CRACDL: variants seen among roughly 807,000 people sequenced by gnomAD.
CRACDL encodes CRACD-like protein.
In CRACDL, 26 loss-of-function variants were observed where a neutral mutation model predicts 70.6. The observed-to-expected ratio is 0.37, with a 90% confidence interval of 0.27 to 0.51. The LOEUF is 0.51. Ranked by LOEUF, CRACDL falls within the 20% of genes least tolerant of loss-of-function variation. The pLI is 0.94. For synonymous variants in CRACDL, 618 were observed against 615.2 expected (o/e 1.00, Z -0.07); for missense variants, 1,283 against 1,376.9 (o/e 0.93, Z 1.08).
chr2:98,902,231 G>A (rs554555250), intron 1 of CRACDL, among the ~76,000 whole-genome samples: 14 of 152,172 alleles, frequency 9.2e-5, no homozygotes, highest in Non-Finnish European at 4.4e-5. Flanking sequence ...GTGTAGTCAT[G>A]GACACAAGTG....
chr2:98,855,422 AC>A (rs1447690016), intron 1 of CRACDL, among the ~76,000 whole-genome samples: 1 of 152,230 alleles, frequency 6.6e-6, no homozygotes, highest in East Asian at 1.9e-4. Flanking sequence ...AGGATATATC[AC>A]GAGGCAAAAT....
At chr2:98,840,455 A>G (rs960690907) in intron 2 of CRACDL, among the ~76,000 whole-genome samples, 9 of 152,160 alleles carry the variant, frequency 5.9e-5, no homozygotes, top group African/African-American at 2.2e-4. Context: ...GGTGTGCTTG[A>G]AAATAATGCA....
At chr2:98,818,672 T>C (rs1704895574) in intron 7 of CRACDL, among the ~76,000 whole-genome samples, 1 of 152,252 alleles carries the variant, frequency 6.6e-6, no homozygotes, top group African/African-American at 2.4e-5. Flanking sequence ...GCTAATGTAA[T>C]TTGGGAGCAA....
chr2:98,861,110 G>C (rs1296272209), intron 1 of CRACDL, among the ~76,000 whole-genome samples: 1 of 152,200 alleles, frequency 6.6e-6, no homozygotes, highest in African/African-American at 2.4e-5. Flanking sequence ...ACTTTGGGAG[G>C]CCAAGGCGGG....
At chr2:98,906,271 T>C (rs953294464) in intron 1 of CRACDL, among the ~76,000 whole-genome samples, 3 of 151,152 alleles carry the variant, frequency 2.0e-5, no homozygotes, top group South Asian at 2.1e-4. Flanking sequence ...TTTTTTTTTT[T>C]TTTTTGTTTG....
chr2:98,913,604 T>C (rs1005550104), intron 1 of CRACDL, among the ~76,000 whole-genome samples: 3 of 151,978 alleles, frequency 2.0e-5, no homozygotes, highest in African/African-American at 4.8e-5. Context: ...GCCGATGGAC[T>C]CACCCAGGAG....
chr2:98,891,346 C>T lies in CRACDL; in HGVS notation c.-10-44536G>A, dbSNP rs193058304. Reference sequence around the variant, plus strand: ...GAGCCAAGATCACGCTACTGCACTCCAGCTTGGGTGACAGAGGGAGACTCC... The same window carrying T: ...GAGCCAAGATCACGCTACTGCACTCTAGCTTGGGTGACAGAGGGAGACTCC... On this transcript the variant is annotated intron_variant, in intron 1 of 9. Coordinates refer to ENST00000397899, the MANE Select transcript of CRACDL (RefSeq NM_207362.3). Among the ~76,000 whole-genome samples, 670 of 123,142 alleles carry T rather than the reference C, an allele frequency of 5.4e-3. 2 individuals are homozygous for T. Among genetic ancestry groups the T allele is most frequent in the African/African-American group, 0.019 (591 of 30,740 alleles). 80.8% of individuals were successfully genotyped at this position (123,142 alleles called of 152,430 possible).
At chr2:98,797,622 A>G in intron 7 of CRACDL, 85 bp from the exon 8 acceptor site, 6 of 1,331,100 alleles carry the variant, frequency 4.5e-6, no homozygotes, top group Non-Finnish European at 6.3e-6. Context: ...AGAGAACACT[A>G]CTGCTTTGGT....
chr2:98,822,859 C>G lies in CRACDL; in HGVS notation c.1414G>C (p.Ala472Pro). The G allele has an allele frequency of 6.8e-7, 1 of 1,460,680 alleles. No homozygotes were observed. Among genetic ancestry groups the G allele is most frequent in the South Asian group, 1.4e-5 (1 of 71,808 alleles). 90.5% of individuals were successfully genotyped at this position (1,460,680 alleles called of 1,614,324 possible). Residue 472 changes from alanine (A) to proline (P), a missense_variant, in exon 7 of 10, where the codon GCG (alanine) becomes CCG (proline). By Grantham distance (27) the Ala-to-Pro change is conservative (BLOSUM62 -1). Around this residue, in one of 2 missense-constraint regions of CRACDL, gnomAD observed 921 missense variants for 881.9 expected, o/e 1.04. Transcript: ENST00000397899. The surrounding 1 kb of genome is among the most constrained non-coding windows in gnomAD (Gnocchi z 4.9). Reference protein sequence around the residue: ...REAETEPERGAGTEPERIGTE... With the variant: ...REAETEPERGPGTEPERIGTE... ...CCAATTCTCTCGGGCTCGGTCCCCG[C>G]TCCTCTCTCGGGCTCCGTCTCCGCT...
At chr2:98,803,960 G>A (rs971388734) in intron 7 of CRACDL, among the ~76,000 whole-genome samples, 3 of 152,184 alleles carry the variant, frequency 2.0e-5, no homozygotes, top group Admixed American at 1.3e-4. Context: ...CCACACCACT[G>A]CGGCAGGGTT....
At chr2:98,917,691 TACA>T (rs1471333136) in intron 1 of CRACDL, among the ~76,000 whole-genome samples, 2 of 152,230 alleles carry the variant, frequency 1.3e-5, no homozygotes, top group Non-Finnish European at 2.9e-5. Flanking sequence ...ACAATTTTGT[TACA>T]TGGATATATT....
Position 98,822,214 on chromosome 2 carries a change from G to T in CRACDL, c.2059C>A (p.Arg687=). 2 of 1,608,420 alleles carry T rather than the reference G, an allele frequency of 1.2e-6. No individual in the cohort carries two copies. The highest frequency in any genetic ancestry group is 2.2e-5 in the South Asian group (2 of 90,786). ...TATTTGAGCGAGAGGGAGGTGGACC[G>T]GAGCTTGACGGGGAAGGGGTTTCTG... ...EDRNPFPVKL[R]STSLSLKYRD... is the part of the protein sequence containing the mutation. Residue 687 remains arginine, a synonymous_variant, in exon 7 of 10, where the codon CGG becomes AGG. Coordinates refer to ENST00000397899, the MANE Select transcript of CRACDL (RefSeq NM_207362.3). The surrounding 1 kb of genome is among the most constrained non-coding windows in gnomAD (Gnocchi z 4.9).
chr2:98,817,304 A>G (rs1308076977), intron 7 of CRACDL, among the ~76,000 whole-genome samples: 1 of 152,218 alleles, frequency 6.6e-6, no homozygotes, highest in Non-Finnish European at 1.5e-5. Context: ...ACCTATAGAC[A>G]ACAATACTGC....
chr2:98,848,507 T>C (rs1261734788), intron 1 of CRACDL, among the ~76,000 whole-genome samples: 1 of 152,206 alleles, frequency 6.6e-6, no homozygotes, highest in African/African-American at 2.4e-5. Flanking sequence ...GAGCTCTAGC[T>C]CAGTGCAAGA....
At chr2:98,850,239 C>T (rs1489072490) in intron 1 of CRACDL, among the ~76,000 whole-genome samples, 1 of 152,214 alleles carries the variant, frequency 6.6e-6, no homozygotes, top group East Asian at 1.9e-4. Flanking sequence ...GATGAAAACA[C>T]GTTCAGGGTC....
intron 7 of CRACDL, among the ~76,000 whole-genome samples, chr2:98,809,979 C>T (rs1704487570): frequency 6.6e-6 from 1 of 151,512 alleles, no homozygotes; most frequent in Non-Finnish European, 1.5e-5. Context: ...AAGAGGTGCT[C>T]CTCAGAGTAA....
chr2:98,923,513 G>A (rs1708850065), intron 1 of CRACDL, among the ~76,000 whole-genome samples: 1 of 152,176 alleles, frequency 6.6e-6, no homozygotes, highest in South Asian at 2.1e-4. Flanking sequence ...AGGAGAGCCT[G>A]TCATACCCAC....
Position 98,827,059 on chromosome 2 carries a change from G to A in CRACDL, c.651C>T (p.Ser217=), listed in dbSNP as rs1705333795. ...ADFSYPAESS[S]CLDNSAAKHK... is the part of the protein sequence containing the mutation. ...GCTTAGCTGCAGAGTTGTCCAGGCA[G>A]GAGGAGGATTCTGCAGGATAACTGA... The change falls in exon 6 of 10, where the codon TCC becomes TCT. Residue 217 remains serine, a synonymous_variant. Transcript: ENST00000397899. 1 of 1,614,004 alleles carries A rather than the reference G, an allele frequency of 6.2e-7. No homozygotes were observed. The highest frequency in any genetic ancestry group is 1.7e-5 in the Admixed American group (1 of 60,008).
chr2:98,922,006 A>G (rs1708814351), intron 1 of CRACDL, among the ~76,000 whole-genome samples: 2 of 152,236 alleles, frequency 1.3e-5, no homozygotes, highest in Admixed American at 1.3e-4. Flanking sequence ...GTGTCAGTAC[A>G]AAGGTGAATA....
Sources: allele counts gnomAD v4.1 joint callset (sites outside exome capture counted in the v4.1 genomes callset), GRCh38; gene constraint gnomAD v4.1.1; regional missense constraint gnomAD v4.1.1; non-coding constraint Gnocchi (gnomAD v3.1); transcripts MANE v1.5; gene names NCBI Gene and HGNC (gene_info 2026-07-23, HGNC 2026-07-21).